The following GRIN3A variants were observed in gnomAD, a reference collection of about 807,000 sequenced individuals.
The protein encoded by GRIN3A is glutamate ionotropic receptor NMDA type subunit 3A, also known as glutamate receptor ionotropic, NMDA 3A.
A neutral mutation model predicts 92.4 loss-of-function variants in GRIN3A; 47 were observed. The observed-to-expected ratio is 0.51, with a 90% CI of 0.40 to 0.65. The LOEUF is 0.65. Ranked by LOEUF, GRIN3A falls within the 30% of genes least tolerant of loss-of-function variation. The pLI, the probability that GRIN3A is intolerant of heterozygous loss-of-function variation, is 0.00. For missense variants in GRIN3A, 1,324 were observed against 1,393.1 expected (o/e 0.95, Z 0.79); for synonymous variants, 527 against 540.6 (o/e 0.97, Z 0.35).
chr9:101,683,685 T>C (rs955397532), intron 2 of GRIN3A, among the ~76,000 whole-genome samples: 1 of 152,172 alleles, frequency 6.6e-6, no homozygotes, highest in Non-Finnish European at 1.5e-5. Flanking sequence ...AACACATTCA[T>C]CATGATGAAA....
chr9:101,724,733 C>T (rs1830064819), intron 1 of GRIN3A, among the ~76,000 whole-genome samples: 1 of 152,252 alleles, frequency 6.6e-6, no homozygotes, highest in Non-Finnish European at 1.5e-5. Flanking sequence ...TTTGCTTTCT[C>T]CTCATTTTCT....
At chr9:101,731,658 C>T (rs574750033) in intron 1 of GRIN3A, among the ~76,000 whole-genome samples, 3 of 152,208 alleles carry the variant, frequency 2.0e-5, no homozygotes, top group African/African-American at 4.8e-5. Flanking sequence ...AGGGATCAAC[C>T]CACTTTTTCA....
At chr9:101,678,482 A>G (rs1319659497) in intron 2 of GRIN3A, among the ~76,000 whole-genome samples, 2 of 152,156 alleles carry the variant, frequency 1.3e-5, no homozygotes, top group African/African-American at 4.8e-5. Context: ...AAAATTGCAT[A>G]CAAGGCTCAT....
chr9:101,718,367 A>G (rs958676056), intron 1 of GRIN3A, among the ~76,000 whole-genome samples: 5 of 152,190 alleles, frequency 3.3e-5, no homozygotes, highest in African/African-American at 1.2e-4. Flanking sequence ...ATGAAGATTG[A>G]ATTTCAGGCA....
At chr9:101,642,350 G>A (rs561766532) in intron 3 of GRIN3A, among the ~76,000 whole-genome samples, 54 of 152,242 alleles carry the variant, frequency 3.5e-4, no homozygotes, top group African/African-American at 1.2e-3. Context: ...AGAGTTAAAT[G>A]TAAGACCTGA....
intron 6 of GRIN3A, among the ~76,000 whole-genome samples, chr9:101,608,813 A>T (rs1828320288): frequency 6.6e-6 from 1 of 152,240 alleles, no homozygotes; most frequent in African/African-American, 2.4e-5. Flanking sequence ...TCTAGCCATC[A>T]TACTATATTG....
chr9:101,703,141 T>G (rs1476207896), intron 1 of GRIN3A, among the ~76,000 whole-genome samples: 2 of 152,196 alleles, frequency 1.3e-5, no homozygotes, highest in Non-Finnish European at 2.9e-5. Flanking sequence ...TAAATTCACA[T>G]TTTTCCTTTG....
At chr9:101,601,772 TG>T (rs1282191463) in intron 6 of GRIN3A, among the ~76,000 whole-genome samples, 1 of 152,152 alleles carries the variant, frequency 6.6e-6, no homozygotes, top group East Asian at 1.9e-4. Flanking sequence ...TGTCTGTCTT[TG>T]TGTGATAGAT....
Position 101,686,598 on chromosome 9 carries a change from T to C in GRIN3A, c.1302A>G (p.Ser434=), listed in dbSNP as rs944868200. ...ATAACCGAGACCTTGCATCCTACCT[T>C]GATAAATATTGTCCTGAAGTGAGAT... ...TTNLTSGQYL[S]RFLANTTFRG... The change falls in exon 2 of 9, where the codon TCA becomes TCG. Residue 434 remains serine, a splice_region_variant and synonymous_variant. Coordinates refer to ENST00000361820, the MANE Select transcript of GRIN3A (RefSeq NM_133445.3). 11 of 1,614,176 alleles carry C rather than the reference T, an allele frequency of 6.8e-6. No individual in the cohort carries two copies. The highest frequency in any genetic ancestry group is 7.6e-6 in the Non-Finnish European group (9 of 1,180,026).
At position 101,646,079 on chromosome 9, in the gene GRIN3A, T is replaced by C. The variant is rs540769660; in HGVS notation, c.2353-17678A>G. ...GTGGTACAGAAACCTTTTAGCTCAATGTAGTCCTGTTTGTTTATTTTTCCT... is the reference window on the plus strand; with the variant it reads ...GTGGTACAGAAACCTTTTAGCTCAACGTAGTCCTGTTTGTTTATTTTTCCT... On this transcript the variant is annotated intron_variant, in intron 3 of 8. Coordinates refer to ENST00000361820, the MANE Select transcript of GRIN3A (RefSeq NM_133445.3). 3.3e-5 allele frequency among the ~76,000 whole-genome samples: 5 copies of C among 151,998 alleles called. No individual in the cohort carries two copies. In the South Asian group the frequency reaches 1.0e-3, roughly 31 times the overall value.
intron 1 of GRIN3A, among the ~76,000 whole-genome samples, chr9:101,708,762 A>G (rs538300934): frequency 6.6e-5 from 10 of 152,336 alleles, no homozygotes; most frequent in Non-Finnish European, 1.3e-4. Context: ...ATGAGTGAGC[A>G]TCTACCTTTC....
chr9:101,632,056 T>C (rs947595401), intron 3 of GRIN3A, among the ~76,000 whole-genome samples: 31 of 152,190 alleles, frequency 2.0e-4, no homozygotes, highest in Non-Finnish European at 3.1e-4. Context: ...TTCCTAGCCT[T>C]GTCGTCCTGC....
At chr9:101,661,410 C>T (rs901278422) in intron 3 of GRIN3A, among the ~76,000 whole-genome samples, 4 of 151,702 alleles carry the variant, frequency 2.6e-5, no homozygotes, top group African/African-American at 4.8e-5. Context: ...ATATGCATTG[C>T]GTGATATTTC....
intron 6 of GRIN3A, among the ~76,000 whole-genome samples, chr9:101,595,784 C>G (rs914521025): frequency 5.9e-5 from 9 of 152,204 alleles, no homozygotes; most frequent in African/African-American, 2.2e-4. Flanking sequence ...TCCATCATCT[C>G]ATGCCCGAGT....
intron 1 of GRIN3A, among the ~76,000 whole-genome samples, chr9:101,715,817 G>A (rs1427208055): frequency 6.6e-6 from 1 of 152,022 alleles, no homozygotes; most frequent in Admixed American, 6.6e-5. Flanking sequence ...AAATAAAACA[G>A]AAAACAATAA....
At chr9:101,700,877 G>T (rs1270305613) in intron 1 of GRIN3A, among the ~76,000 whole-genome samples, 1 of 152,128 alleles carries the variant, frequency 6.6e-6, no homozygotes, top group Non-Finnish European at 1.5e-5. Context: ...GACAAAGAAA[G>T]ATGTCAGAAG....
chr9:101,579,952 A>C (rs948782024), intron 6 of GRIN3A, among the ~76,000 whole-genome samples: 2 of 152,062 alleles, frequency 1.3e-5, no homozygotes, highest in African/African-American at 4.8e-5. Flanking sequence ...CTTGTGGGGG[A>C]TGCATAGTGA....
Position 101,738,021 on chromosome 9 carries a change from C to G in GRIN3A, c.-42G>C. On this transcript the variant is annotated 5_prime_UTR_variant, in exon 1 of 9. Transcript: ENST00000361820. ...GAGAAAGCGCGCCCCCTCCTGCGCC[C>G]GGCTCGCCCCTCTGCAGCCGCTGCC... 6.7e-7 allele frequency: 1 copy of G among 1,497,154 alleles called. No homozygotes were observed. The highest frequency in any genetic ancestry group is 9.0e-7 in the Non-Finnish European group (1 of 1,113,662). The allele number at this position is 1,497,154 out of a possible 1,614,324, so 92.7% of individuals were successfully genotyped here.
chr9:101,732,749 C>G (rs1830155452), intron 1 of GRIN3A, among the ~76,000 whole-genome samples: 1 of 152,136 alleles, frequency 6.6e-6, no homozygotes, highest in Non-Finnish European at 1.5e-5. Flanking sequence ...CAACACCTCT[C>G]CACTAGTTAT....
Sources: allele counts gnomAD v4.1 joint callset (sites outside exome capture counted in the v4.1 genomes callset), GRCh38; gene constraint gnomAD v4.1.1; transcripts MANE v1.5; gene names NCBI Gene and HGNC (gene_info 2026-07-23, HGNC 2026-07-21).